HLCS: variants seen among roughly 807,000 people sequenced by gnomAD.
HLCS encodes the protein biotin--protein ligase.
HLCS carries 53 observed loss-of-function variants against 75.0 expected under a neutral mutation model. The ratio of observed to expected loss-of-function variants is 0.71; its 90% CI spans 0.57 to 0.89. The LOEUF is 0.89. Ranked by LOEUF, HLCS falls within the 40% of genes least tolerant of loss-of-function variation. HLCS has a pLI of 0.00. For missense variants in HLCS, 966 were observed against 1,074.0 expected (o/e 0.90, Z 1.41); for synonymous variants, 431 against 428.6 (o/e 1.01, Z -0.07).
At chr21:36,952,138 T>C (rs1319990730) in intron 2 of HLCS, among the ~76,000 whole-genome samples, 1 of 152,178 alleles carries the variant, frequency 6.6e-6, no homozygotes, top group Non-Finnish European at 1.5e-5. Context: ...TATTTTTCTA[T>C]TTAATACCTT....
intron 6 of HLCS, among the ~76,000 whole-genome samples, chr21:36,866,110 G>C (rs2063544665): frequency 6.9e-6 from 1 of 144,568 alleles, no homozygotes; most frequent in African/African-American, 2.6e-5. Context: ...ACTTTTGTGA[G>C]CGTGAATTGT....
chr21:36,763,149 C>T (rs1276161123), intron 8 of HLCS, among the ~76,000 whole-genome samples: 3 of 152,104 alleles, frequency 2.0e-5, no homozygotes, highest in Admixed American at 6.6e-5. Context: ...CTCAGCCTCC[C>T]GAGTAGCTGA....
chr21:36,818,966 T>C (rs2061743999), intron 6 of HLCS, among the ~76,000 whole-genome samples: 1 of 152,126 alleles, frequency 6.6e-6, no homozygotes, highest in South Asian at 2.1e-4. Flanking sequence ...AGGGTATGGC[T>C]GGATGGCCCT....
At chr21:36,882,277 G>T (rs542962315) in intron 6 of HLCS, among the ~76,000 whole-genome samples, 3 of 151,056 alleles carry the variant, frequency 2.0e-5, no homozygotes, top group Admixed American at 6.6e-5. Flanking sequence ...GCGAGACTTC[G>T]TCTTGGAAAA....
At chr21:36,845,059 A>G (rs934927270) in intron 6 of HLCS, among the ~76,000 whole-genome samples, 1 of 151,972 alleles carries the variant, frequency 6.6e-6, no homozygotes, top group Admixed American at 6.5e-5. Flanking sequence ...TTATGCTTTC[A>G]TTTTCTACAA....
chr21:36,939,122 T>A, intron 2 of HLCS, 128 bp from the exon 3 acceptor site: 1 of 772,044 alleles, frequency 1.3e-6, no homozygotes, highest in Non-Finnish European at 2.0e-6. Context: ...AATAACAAAT[T>A]ACTGGATATT....
In HLCS at chr21:36,778,404, C is replaced by A. The variant is rs371120801; in HGVS notation, c.1893-11119G>T. On this transcript the variant is annotated intron_variant, in intron 6 of 10. Transcript: ENST00000674895. ...AGGCGATTCTCCTGCCACAGCCTCCCGAGTAGCTGGGATTACAGGTGTGCA... is the reference window on the plus strand; with the variant it reads ...AGGCGATTCTCCTGCCACAGCCTCCAGAGTAGCTGGGATTACAGGTGTGCA... 4.6e-5 allele frequency among the ~76,000 whole-genome samples: 7 copies of A among 152,226 alleles called. No homozygotes were observed. The East Asian group carries it at 1.4e-3, about 29-fold the overall frequency.
intron 6 of HLCS, among the ~76,000 whole-genome samples, chr21:36,870,451 C>T (rs537432701): frequency 5.3e-5 from 8 of 152,216 alleles, no homozygotes; most frequent in African/African-American, 1.7e-4. Flanking sequence ...ATATTTCCCC[C>T]ACCATTTCTT....
chr21:36,781,284 A>C (rs1160295449), intron 6 of HLCS, among the ~76,000 whole-genome samples: 1 of 148,568 alleles, frequency 6.7e-6, no homozygotes, highest in African/African-American at 2.5e-5. Flanking sequence ...AAAAGCCTTG[A>C]TGGTATTTTT....
chr21:36,931,243 A>C (rs955241498), intron 4 of HLCS, among the ~76,000 whole-genome samples: 1 of 141,966 alleles, frequency 7.0e-6, no homozygotes, highest in Non-Finnish European at 1.5e-5. Context: ...AGATAGCTCC[A>C]TTGCACTCCA....
chr21:36,978,143 T>TA (rs2068994150), intron 1 of HLCS, among the ~76,000 whole-genome samples: 1 of 152,210 alleles, frequency 6.6e-6, no homozygotes, highest in Non-Finnish European at 1.5e-5. Context: ...TGTGTTAGTT[T>TA]AAACAAGTCA....
intron 6 of HLCS, among the ~76,000 whole-genome samples, chr21:36,889,463 T>C (rs970629620): frequency 2.6e-5 from 4 of 152,224 alleles, no homozygotes; most frequent in Non-Finnish European, 5.9e-5. Flanking sequence ...CAAGCTCCTA[T>C]GTTTCACAGT....
chr21:36,926,721 T>C (rs1397054297), intron 5 of HLCS, among the ~76,000 whole-genome samples: 1 of 151,368 alleles, frequency 6.6e-6, no homozygotes, highest in African/African-American at 2.4e-5. Flanking sequence ...ATATACCAGA[T>C]TTCCTTCCAG....
At position 36,938,923 on chromosome 21, in the gene HLCS, T is replaced by C; in HGVS notation, c.402A>G (p.Glu134=). 6.2e-7 allele frequency: 1 copy of C among 1,613,968 alleles called. No individual in the cohort carries two copies. Residue 134 remains glutamate, a synonymous_variant, in exon 3 of 11, where the codon GAA becomes GAG. Transcript: ENST00000674895. ...RPGDPYRLIA[E]ASVDNFSKLG... is the part of the protein sequence containing the mutation. ...GCTTGCTGAAGTTGTCCACACTTGCTTCAGCAATTAGCCGATAAGGATCCC... is the reference window on the plus strand; with the variant it reads ...GCTTGCTGAAGTTGTCCACACTTGCCTCAGCAATTAGCCGATAAGGATCCC...
chr21:36,855,217 T>TA (rs2063145127), intron 6 of HLCS, among the ~76,000 whole-genome samples: 1 of 152,134 alleles, frequency 6.6e-6, no homozygotes, highest in South Asian at 2.1e-4. Flanking sequence ...ATAGATCGTT[T>TA]ATATAATGTA....
Position 36,896,926 on chromosome 21 carries a change from G to A in HLCS, c.1826C>T (p.Thr609Ile), listed in dbSNP as rs1256356959. The change falls in exon 6 of 11, where the codon ACC (threonine) becomes ATC (isoleucine). Residue 609 changes from threonine to isoleucine, a missense_variant. Physicochemically the swap from Thr to Ile is moderately conservative, Grantham distance 89. Transcript: ENST00000674895. Reference sequence around the variant, plus strand: ...CAAAATTACTTTCCCCAACTGCTTGGTCTGCAGATTTTGGCGATAGATCTC... The same window carrying A: ...CAAAATTACTTTCCCCAACTGCTTGATCTGCAGATTTTGGCGATAGATCTC... ...NLEIYRQNLQ[T>I]KQLGKVILFA... 6.2e-7 allele frequency: 1 copy of A among 1,614,022 alleles called. No individual in the cohort carries two copies. The highest frequency in any genetic ancestry group is 8.5e-7 in the Non-Finnish European group (1 of 1,180,030).
chr21:36,831,802 G>A (rs2062220135), intron 6 of HLCS, among the ~76,000 whole-genome samples: 2 of 152,092 alleles, frequency 1.3e-5, no homozygotes, highest in African/African-American at 2.4e-5. Flanking sequence ...TGAGTAGAAG[G>A]GAATATATTT....
At chr21:36,812,337 C>G (rs2061536953) in intron 6 of HLCS, among the ~76,000 whole-genome samples, 1 of 152,154 alleles carries the variant, frequency 6.6e-6, no homozygotes, top group South Asian at 2.1e-4. Flanking sequence ...TGTAATTTTT[C>G]TAACACACAG....
intron 4 of HLCS, among the ~76,000 whole-genome samples, chr21:36,933,229 A>G (rs937076550): frequency 2.6e-5 from 4 of 152,214 alleles, no homozygotes; most frequent in African/African-American, 4.8e-5. Context: ...AAGACTGAGG[A>G]TGCCAATCAT....
Sources: gnomAD v4.1 joint callset for allele counts (sites outside exome capture counted in the v4.1 genomes callset) on GRCh38, gnomAD v4.1.1 for gene constraint, MANE v1.5 for transcripts, NCBI Gene and HGNC (gene_info 2026-07-23, HGNC 2026-07-21) for gene names.